The following UST variants were observed in gnomAD, a reference collection of about 807,000 sequenced individuals.
UST encodes the protein chondroitin sulfate 2-O-sulfotransferase.
UST carries 21 observed loss-of-function variants against 45.6 expected under a neutral mutation model. The observed-to-expected ratio is 0.46, with a 90% CI of 0.33 to 0.66. UST has a LOEUF of 0.66. Among genes scored for constraint, UST ranks in the 30% least tolerant of loss-of-function variants. The pLI is 0.02. For missense variants in UST, 463 were observed against 512.4 expected (o/e 0.90, Z 0.93); for synonymous variants, 215 against 200.6 (o/e 1.07, Z -0.61).
At chr6:148,774,288 AT>A (rs10615757) in intron 1 of UST, among the ~76,000 whole-genome samples, 18,479 of 148,928 alleles carry the variant, frequency 0.12, 1,277 homozygotes, top group African/African-American at 0.15. Context: ...ATATATATAT[AT>A]AAAAATATAA....
chr6:148,848,542 G>A (rs968102622), intron 1 of UST, among the ~76,000 whole-genome samples: 3 of 151,822 alleles, frequency 2.0e-5, no homozygotes, highest in East Asian at 1.9e-4. Context: ...GTGGTGATGC[G>A]TGCCTGTAGT....
chr6:148,749,908 T>C lies in UST; in HGVS notation c.247+2231T>C, dbSNP rs918264040. Among the ~76,000 whole-genome samples the C allele has an allele frequency of 2.6e-5, 4 of 152,354 alleles. No individual in the cohort carries two copies. The East Asian group carries it at 5.8e-4, about 22-fold the overall frequency. The stretch of plus-strand genomic sequence containing the variant: ...AAAATAGAATACCCTTGGCCAAATT[T>C]GTTCCCTGTTACGTAAATATAATGA... On this transcript the variant is annotated intron_variant, in intron 1 of 7. Transcript: ENST00000367463.
chr6:148,992,348 C>T (rs562230558), intron 5 of UST, among the ~76,000 whole-genome samples: 11 of 151,934 alleles, frequency 7.2e-5, no homozygotes, highest in African/African-American at 2.7e-4. Context: ...ACTAAAAATA[C>T]AAAAAAAATT....
chr6:148,994,271 C>T (rs1781408237), intron 5 of UST, among the ~76,000 whole-genome samples: 1 of 152,000 alleles, frequency 6.6e-6, no homozygotes, highest in Non-Finnish European at 1.5e-5. Flanking sequence ...TGTGCCTGGC[C>T]TCAGATATTT....
intron 1 of UST, among the ~76,000 whole-genome samples, chr6:148,848,562 T>C (rs569492869): frequency 6.6e-6 from 1 of 151,518 alleles, no homozygotes; most frequent in African/African-American, 2.4e-5. Context: ...TCCCAGCTAC[T>C]CAGGAGGCTG....
At chr6:148,840,401 A>G (rs1205881757) in intron 1 of UST, among the ~76,000 whole-genome samples, 1 of 152,120 alleles carries the variant, frequency 6.6e-6, no homozygotes, top group African/African-American at 2.4e-5. Flanking sequence ...GCTAGAATGC[A>G]CCTCTTTTGT....
chr6:148,977,487 C>T (rs1055876360), intron 5 of UST, among the ~76,000 whole-genome samples: 1 of 152,024 alleles, frequency 6.6e-6, no homozygotes, highest in Non-Finnish European at 1.5e-5. Flanking sequence ...CGTGGTGGCT[C>T]ACGCCTGTAA....
chr6:149,012,575 A>T (rs1032293925), intron 5 of UST, among the ~76,000 whole-genome samples: 1 of 152,220 alleles, frequency 6.6e-6, no homozygotes, highest in Non-Finnish European at 1.5e-5. Flanking sequence ...CCAAAAATCA[A>T]TTTTAAGTCC....
chr6:148,894,459 A>G (rs1367314750), intron 2 of UST, among the ~76,000 whole-genome samples: 1 of 152,170 alleles, frequency 6.6e-6, no homozygotes, highest in East Asian at 1.9e-4. Context: ...GCAGATTGGG[A>G]TTATGCTGTT....
intron 1 of UST, among the ~76,000 whole-genome samples, chr6:148,822,865 GAATA>G (rs1293276241): frequency 6.6e-6 from 1 of 152,290 alleles, no homozygotes; most frequent in African/African-American, 2.4e-5. Flanking sequence ...TGTGTGTAAA[GAATA>G]AATAAGATTT....
chr6:148,786,415 T>G (rs1776736784), intron 1 of UST, among the ~76,000 whole-genome samples: 1 of 152,094 alleles, frequency 6.6e-6, no homozygotes, highest in Non-Finnish European at 1.5e-5. Context: ...ATGGCCCCAG[T>G]GTGTGTTGTT....
intron 1 of UST, among the ~76,000 whole-genome samples, chr6:148,761,892 A>G (rs921236433): frequency 2.6e-5 from 4 of 152,230 alleles, no homozygotes; most frequent in African/African-American, 9.6e-5. Flanking sequence ...CAGTCCATAG[A>G]AGCAGCTCTC....
At chr6:149,037,047 G>A (rs1562336145) in intron 7 of UST, among the ~76,000 whole-genome samples, 3 of 152,132 alleles carry the variant, frequency 2.0e-5, no homozygotes, top group Non-Finnish European at 4.4e-5. Context: ...TCAGTTTGGG[G>A]GAAACGTGTT....
chr6:148,910,977 C>T (rs1779463505), intron 2 of UST, among the ~76,000 whole-genome samples: 1 of 152,110 alleles, frequency 6.6e-6, no homozygotes, highest in Non-Finnish European at 1.5e-5. Context: ...CAGGCGCTGT[C>T]CTCTGTCCAG....
intron 3 of UST, among the ~76,000 whole-genome samples, chr6:148,944,865 G>C (rs1287945752): frequency 6.6e-6 from 1 of 151,724 alleles, no homozygotes; most frequent in Non-Finnish European, 1.5e-5. Context: ...GAAAAATGGA[G>C]ATTATATACA....
intron 1 of UST, among the ~76,000 whole-genome samples, chr6:148,787,540 A>G (rs1197932023): frequency 6.6e-6 from 1 of 151,928 alleles, no homozygotes; most frequent in Admixed American, 6.6e-5. Context: ...TCTGTTCCAT[A>G]GGTCTATGTG....
At chr6:148,870,768 T>C (rs1341573854) in intron 1 of UST, among the ~76,000 whole-genome samples, 2 of 152,208 alleles carry the variant, frequency 1.3e-5, no homozygotes, top group Admixed American at 6.5e-5. Flanking sequence ...TCTCCTGGGA[T>C]GCTCTCACCC....
chr6:148,866,330 C>A (rs1422134996), intron 1 of UST, among the ~76,000 whole-genome samples: 4 of 152,038 alleles, frequency 2.6e-5, no homozygotes, highest in African/African-American at 7.3e-5. Context: ...ACAGAAAAAA[C>A]CAGTAGTCGG....
chr6:149,012,061 C>T (rs1017061518), intron 5 of UST, among the ~76,000 whole-genome samples: 1 of 152,182 alleles, frequency 6.6e-6, no homozygotes, highest in African/African-American at 2.4e-5. Flanking sequence ...TATTAAATAT[C>T]CAACATCGCA....
Sources: gnomAD v4.1 joint callset for allele counts (sites outside exome capture counted in the v4.1 genomes callset) on GRCh38, gnomAD v4.1.1 for gene constraint, MANE v1.5 for transcripts, NCBI Gene and HGNC (gene_info 2026-07-23, HGNC 2026-07-21) for gene names.